The following IL1RAPL2 variants were observed in gnomAD, a reference collection of about 807,000 sequenced individuals.
The protein encoded by IL1RAPL2 is interleukin 1 receptor accessory protein like 2, also known as X-linked interleukin-1 receptor accessory protein-like 2.
A neutral mutation model predicts 44.1 loss-of-function variants in IL1RAPL2; 3 were observed. That is an observed-to-expected ratio of 0.07 (90% CI 0.03 to 0.18). The LOEUF (loss-of-function observed/expected upper bound fraction) is 0.18, where lower values mean the gene tolerates loss of function less well. IL1RAPL2 is among the 10% of genes least tolerant of loss of function. IL1RAPL2 has a pLI of 1.00. For synonymous variants in IL1RAPL2, 181 were observed against 178.8 expected (o/e 1.01, Z -0.10); for missense variants, 391 against 496.4 (o/e 0.79, Z 2.02).
intron 1 of IL1RAPL2, among the ~76,000 whole-genome samples, chrX:104,588,609 C>T (rs1928608359): frequency 9.0e-6 from 1 of 111,399 alleles, no homozygotes; most frequent in Non-Finnish European, 1.9e-5. Flanking sequence ...GGAGAATTAA[C>T]TCTTGCTTTT....
intron 6 of IL1RAPL2, among the ~76,000 whole-genome samples, chrX:105,542,686 A>ATTTTT (rs1569452450): frequency 2.2e-4 from 21 of 96,197 alleles, no homozygotes; most frequent in African/African-American, 7.6e-4. Flanking sequence ...TTTATTTTTT[A>ATTTTT]TATTTTTTAT....
intron 2 of IL1RAPL2, among the ~76,000 whole-genome samples, chrX:105,078,998 G>A (rs1348044417): frequency 8.9e-6 from 1 of 112,285 alleles, no homozygotes; most frequent in East Asian, 2.8e-4. Flanking sequence ...GCGATGCCTC[G>A]CCCTGCTTCG....
At chrX:104,904,290 T>C (rs766608455) in intron 2 of IL1RAPL2, among the ~76,000 whole-genome samples, 110 of 110,560 alleles carry the variant, frequency 9.9e-4, no homozygotes, top group Non-Finnish European at 1.4e-3. Flanking sequence ...TAGTTTTCTT[T>C]TTAAATTATT....
intron 3 of IL1RAPL2, among the ~76,000 whole-genome samples, chrX:105,205,556 C>T (rs1225951418): frequency 2.3e-4 from 20 of 86,982 alleles, no homozygotes; most frequent in Non-Finnish European, 4.1e-4. Context: ...CGCCACGGCA[C>T]TCCAGCCTCG....
chrX:105,748,731 C>T lies in IL1RAPL2; in HGVS notation c.1049-229C>T, dbSNP rs182217759. Among the ~76,000 whole-genome samples the T allele has an allele frequency of 2.0e-3, 222 of 112,211 alleles. 3 individuals carry two copies. Among genetic ancestry groups the T allele is most frequent in the African/African-American group, 6.9e-3 (215 of 30,962 alleles). ...CAAAACGAATTGAGAGCAACTATTC[C>T]TTTTCAGATAGACTTACCACTTTTA... On this transcript the variant is annotated intron_variant, in intron 8 of 10. Transcript: ENST00000372582.
intron 6 of IL1RAPL2, among the ~76,000 whole-genome samples, chrX:105,555,279 C>T (rs988819397): frequency 2.7e-5 from 3 of 110,213 alleles, no homozygotes; most frequent in Non-Finnish European, 3.8e-5. Context: ...GTCAGCAAGG[C>T]GAACATGCTC....
chrX:105,323,644 G>A (rs1473332122), intron 5 of IL1RAPL2, among the ~76,000 whole-genome samples: 1 of 111,652 alleles, frequency 9.0e-6, no homozygotes, highest in Non-Finnish European at 1.9e-5. Flanking sequence ...GGGAGGCCAA[G>A]GGGTAGATCA....
At chrX:105,337,256 A>G (rs2035035421) in intron 5 of IL1RAPL2, among the ~76,000 whole-genome samples, 1 of 111,812 alleles carries the variant, frequency 8.9e-6, no homozygotes, top group African/African-American at 3.3e-5. Flanking sequence ...ATGTATATGT[A>G]AAATGATTTA....
At position 104,941,156 on chromosome X, in the gene IL1RAPL2, T is replaced by C. The variant is rs1397069097; in HGVS notation, c.83-254319T>C. Among the ~76,000 whole-genome samples the C allele has an allele frequency of 5.4e-5, 6 of 110,838 alleles. No individual in the cohort carries two copies. The East Asian group carries it at 1.7e-3, about 32-fold the overall frequency. On this transcript the variant is annotated intron_variant, in intron 2 of 10. Transcript: ENST00000372582. ...TTTGCTATTGTGAATAGTGCCGCAA[T>C]AAACATATGTGTGCACGTGTCTTTA...
intron 6 of IL1RAPL2, among the ~76,000 whole-genome samples, chrX:105,558,202 T>C (rs913126523): frequency 9.9e-5 from 11 of 111,584 alleles, no homozygotes; most frequent in Non-Finnish European, 1.7e-4. Flanking sequence ...GCAAGTAATG[T>C]GACTTTTTGT....
chrX:105,328,968 A>C (rs2034963695), intron 5 of IL1RAPL2, among the ~76,000 whole-genome samples: 1 of 112,450 alleles, frequency 8.9e-6, no homozygotes, highest in Non-Finnish European at 1.9e-5. Flanking sequence ...ATTTCTTAGA[A>C]TGTATCCTCA....
At chrX:104,877,208 A>C (rs1275306351) in intron 2 of IL1RAPL2, among the ~76,000 whole-genome samples, 1 of 111,583 alleles carries the variant, frequency 9.0e-6, no homozygotes, top group African/African-American at 3.3e-5. Flanking sequence ...ATGTGTCTTT[A>C]TAGCAGCATG....
At chrX:105,481,867 C>T (rs141591692) in intron 5 of IL1RAPL2, among the ~76,000 whole-genome samples, 1,333 of 111,796 alleles carry the variant, frequency 0.012, 6 homozygotes, top group Non-Finnish European at 0.018. Context: ...AATCTTCCTT[C>T]TGCCTGCCCA....
chrX:104,786,365 C>T (rs1393359781), intron 2 of IL1RAPL2, among the ~76,000 whole-genome samples: 1 of 112,142 alleles, frequency 8.9e-6, no homozygotes, highest in Non-Finnish European at 1.9e-5. Flanking sequence ...CACTGCTGTA[C>T]ATGGCTTCTA....
chrX:105,476,685 GGTTA>G (rs1383126073), intron 5 of IL1RAPL2, among the ~76,000 whole-genome samples: 6 of 112,122 alleles, frequency 5.4e-5, no homozygotes, highest in Admixed American at 9.5e-5. Context: ...TTGCTACAGT[GGTTA>G]GTTGATGGAA....
chrX:105,576,991 T>C (rs1322266144), intron 6 of IL1RAPL2, among the ~76,000 whole-genome samples: 4 of 111,253 alleles, frequency 3.6e-5, no homozygotes, highest in African/African-American at 1.3e-4. Context: ...ATTACTCTAT[T>C]TTATCATTGA....
chrX:105,169,492 CTTTTTTTTTTTTTTTTT>C (rs748101220), intron 2 of IL1RAPL2, among the ~76,000 whole-genome samples: 1 of 41,587 alleles, frequency 2.4e-5, no homozygotes, highest in African/African-American at 1.4e-4. Context: ...TTCTTTCTTT[CTTTTTTTTTTTTTTTTT>C]TTTTTTTTTT....
At chrX:104,907,622 A>G (rs1242726808) in intron 2 of IL1RAPL2, among the ~76,000 whole-genome samples, 3 of 105,084 alleles carry the variant, frequency 2.9e-5, no homozygotes. Flanking sequence ...TTTGAGTGAG[A>G]TTCTTAATCC....
At chrX:105,092,869 C>T (rs2032560681) in intron 2 of IL1RAPL2, among the ~76,000 whole-genome samples, 1 of 110,476 alleles carries the variant, frequency 9.1e-6, no homozygotes, top group African/African-American at 3.3e-5. Flanking sequence ...CCCTGTGTGC[C>T]TGAAAAACAA....
Sources: gnomAD v4.1 joint callset for allele counts (sites outside exome capture counted in the v4.1 genomes callset) on GRCh38, gnomAD v4.1.1 for gene constraint, MANE v1.5 for transcripts, NCBI Gene and HGNC (gene_info 2026-07-23, HGNC 2026-07-21) for gene names.